Variants in SNX24 observed in about 807,000 individuals in gnomAD.
SNX24 encodes sorting nexin 24.
A neutral mutation model predicts 28.7 loss-of-function variants in SNX24; 22 were observed. The observed-to-expected ratio is 0.77, with a 90% CI of 0.55 to 1.10. The LOEUF is 1.10. Among genes scored for constraint, SNX24 ranks in the 50% least tolerant of loss-of-function variants. SNX24 has a pLI of 0.00. For missense variants in SNX24, 221 were observed against 201.1 expected (o/e 1.10, Z -0.60); for synonymous variants, 69 against 71.5 (o/e 0.96, Z 0.18).
At chr5:122,896,569 A>T (rs777056228) in intron 1 of SNX24, among the ~76,000 whole-genome samples, 6 of 152,140 alleles carry the variant, frequency 3.9e-5, no homozygotes, top group Admixed American at 3.3e-4. Flanking sequence ...CATTACCTAT[A>T]GTTACCAGTT....
At chr5:122,898,471 A>C (rs73291199) in intron 1 of SNX24, among the ~76,000 whole-genome samples, 7,765 of 152,268 alleles carry the variant, frequency 0.051, 670 homozygotes, top group African/African-American at 0.18. Flanking sequence ...GGGACAGTGC[A>C]GTGAGCCATG....
chr5:122,861,210 C>T (rs1159542090), intron 1 of SNX24, among the ~76,000 whole-genome samples: 3 of 152,074 alleles, frequency 2.0e-5, no homozygotes, highest in South Asian at 2.1e-4. Context: ...CATGGTGGTG[C>T]GCCCCTGTAA....
intron 3 of SNX24, among the ~76,000 whole-genome samples, chr5:122,956,463 A>G (rs933387825): frequency 2.6e-5 from 4 of 151,524 alleles, no homozygotes; most frequent in Non-Finnish European, 5.9e-5. Flanking sequence ...AGTTGCTTCC[A>G]TGTTTTAGTT....
chr5:122,860,772 A>G (rs1052357594), intron 1 of SNX24, among the ~76,000 whole-genome samples: 3 of 151,532 alleles, frequency 2.0e-5, no homozygotes, highest in African/African-American at 7.3e-5. Context: ...AATTTTTTGT[A>G]TTTTTAGTAG....
intron 5 of SNX24, chr5:123,028,699 C>T: frequency 8.3e-7 from 1 of 1,197,608 alleles, no homozygotes; most frequent in Non-Finnish European, 1.2e-6. Flanking sequence ...TGGATTTCAA[C>T]AGACTGGGTT....
intron 3 of SNX24, among the ~76,000 whole-genome samples, chr5:122,985,959 G>A (rs774340899): frequency 1.3e-5 from 2 of 152,136 alleles, no homozygotes; most frequent in Non-Finnish European, 2.9e-5. Context: ...ACCTATCAAG[G>A]AAATAATTGC....
At chr5:122,854,516 A>AAAAAAAAAAAC (rs1315674667) in intron 1 of SNX24, among the ~76,000 whole-genome samples, 24 of 15,478 alleles carry the variant, frequency 1.6e-3, no homozygotes, top group African/African-American at 0.014. Flanking sequence ...TCAAAAAAAC[A>AAAAAAAAAAAC]AAAAAAAAAA....
intron 3 of SNX24, among the ~76,000 whole-genome samples, chr5:122,946,913 G>A (rs1367774709): frequency 6.6e-6 from 1 of 152,206 alleles, no homozygotes; most frequent in Non-Finnish European, 1.5e-5. Context: ...CCTGAGGTCA[G>A]CCAGTACCAT....
intron 1 of SNX24, among the ~76,000 whole-genome samples, chr5:122,927,692 C>G (rs1177911645): frequency 6.6e-6 from 1 of 152,178 alleles, no homozygotes; most frequent in Non-Finnish European, 1.5e-5. Flanking sequence ...AATGATAAAA[C>G]CATACACCCT....
chr5:122,876,552 T>C (rs530923797), intron 1 of SNX24, among the ~76,000 whole-genome samples: 1 of 152,316 alleles, frequency 6.6e-6, no homozygotes, highest in Non-Finnish European at 1.5e-5. Flanking sequence ...GTAGCATAAT[T>C]AATATAACCC....
chr5:122,901,116 G>A (rs992495935), intron 1 of SNX24, among the ~76,000 whole-genome samples: 1 of 151,182 alleles, frequency 6.6e-6, no homozygotes, highest in African/African-American at 2.4e-5. Context: ...TAGTAGAATC[G>A]CTTGAACCTG....
At chr5:122,882,993 C>G (rs1165849281) in intron 1 of SNX24, among the ~76,000 whole-genome samples, 1 of 151,856 alleles carries the variant, frequency 6.6e-6, no homozygotes, top group Non-Finnish European at 1.5e-5. Context: ...ATGGGTGGAG[C>G]AGATCAAGGG....
At chr5:122,859,415 G>A (rs185606634) in intron 1 of SNX24, among the ~76,000 whole-genome samples, 84 of 152,154 alleles carry the variant, frequency 5.5e-4, no homozygotes, top group Admixed American at 3.7e-3. Context: ...GAGTAGCCTG[G>A]GCAACATAGT....
At chr5:122,944,445 A>C (rs1272006833) in intron 2 of SNX24, among the ~76,000 whole-genome samples, 2 of 152,140 alleles carry the variant, frequency 1.3e-5, no homozygotes, top group Admixed American at 1.3e-4. Context: ...TTTCCCCCAA[A>C]AAAAGAAGGA....
At chr5:122,960,293 C>G (rs571802539) in intron 3 of SNX24, among the ~76,000 whole-genome samples, 1 of 152,248 alleles carries the variant, frequency 6.6e-6, no homozygotes, top group East Asian at 1.9e-4. Flanking sequence ...GATGTTTTCT[C>G]TGGTGCTCTT....
At position 123,008,005 on chromosome 5, in the gene SNX24, A is replaced by T; in HGVS notation, c.*256A>T. ...AGTGTAGCTGCCAGCGTAGAAACCC[A>T]TGAAAAGGAGGCCACAGGAGATTCC... On this transcript the variant is annotated 3_prime_UTR_variant, in exon 7 of 7. Transcript: ENST00000261369. 1 of 1,149,110 alleles carries T rather than the reference A, an allele frequency of 8.7e-7. No homozygotes were observed. Among genetic ancestry groups the T allele is most frequent in the Non-Finnish European group, 1.1e-6 (1 of 932,816 alleles). The allele number at this position is 1,149,110 out of a possible 1,614,324, so 71.2% of individuals were successfully genotyped here. A position where few individuals can be genotyped will look rare whatever the true frequency, so the allele number is the denominator to read the frequency against.
At chr5:122,951,568 T>G (rs374698001) in intron 3 of SNX24, among the ~76,000 whole-genome samples, 2 of 152,166 alleles carry the variant, frequency 1.3e-5, no homozygotes, top group African/African-American at 4.8e-5. Flanking sequence ...TATGATAGTT[T>G]TGCCTCCTGA....
chr5:122,975,681 A>G (rs1180616359), intron 3 of SNX24, among the ~76,000 whole-genome samples: 4 of 152,166 alleles, frequency 2.6e-5, no homozygotes, highest in African/African-American at 4.8e-5. Flanking sequence ...AAGACAATCT[A>G]ATAAGAAAAT....
intron 3 of SNX24, among the ~76,000 whole-genome samples, chr5:122,996,016 G>C (rs562709256): frequency 6.6e-6 from 1 of 152,246 alleles, no homozygotes; most frequent in African/African-American, 2.4e-5. Flanking sequence ...ACCACTGACT[G>C]CTGCATTTTA....
Sources: allele counts gnomAD v4.1 joint callset (sites outside exome capture counted in the v4.1 genomes callset), GRCh38; gene constraint gnomAD v4.1.1; transcripts MANE v1.5; gene names NCBI Gene and HGNC (gene_info 2026-07-23, HGNC 2026-07-21).